The following ADGRV1 variants were observed in gnomAD, a reference collection of about 807,000 sequenced individuals.
ADGRV1 encodes G-protein coupled receptor 98.
Under a neutral mutation model 596.2 loss-of-function variants are expected in ADGRV1, and 359 were observed. The ratio of observed to expected loss-of-function variants is 0.60; its 90% confidence interval spans 0.55 to 0.66. ADGRV1 has a LOEUF of 0.66. Among genes scored for constraint, ADGRV1 ranks in the 30% least tolerant of loss-of-function variants. The pLI, the probability that ADGRV1 is intolerant of heterozygous loss-of-function variation, is 0.00. For synonymous variants in ADGRV1, 2,681 were observed against 2,679.2 expected (o/e 1.00, Z -0.02); for missense variants, 7,274 against 7,575.6 (o/e 0.96, Z 1.48).
chr5:90,744,111 C>T (rs1411489286), intron 50 of ADGRV1, among the ~76,000 whole-genome samples: 1 of 152,102 alleles, frequency 6.6e-6, no homozygotes, highest in Non-Finnish European at 1.5e-5. Flanking sequence ...ACCTCAGCTT[C>T]CCAGGCAGCT....
chr5:90,879,716 G>A (rs1769575005), intron 83 of ADGRV1, among the ~76,000 whole-genome samples: 1 of 152,126 alleles, frequency 6.6e-6, no homozygotes, highest in African/African-American at 2.4e-5. Flanking sequence ...GGAGGTCAAG[G>A]CAGGCAAATC....
At chr5:90,929,689 C>G (rs1775026093) in intron 83 of ADGRV1, 1 of 152,214 alleles carries the variant, frequency 6.6e-6, no homozygotes. Flanking sequence ...CTGACAACAT[C>G]TCAGATTAAA....
chr5:91,007,157 C>A (rs1165852896), intron 85 of ADGRV1, among the ~76,000 whole-genome samples: 1 of 152,126 alleles, frequency 6.6e-6, no homozygotes, highest in Non-Finnish European at 1.5e-5. Flanking sequence ...ACAAACTTAA[C>A]AAAAAATCTT....
At chr5:90,994,577 T>G (rs571192409) in intron 85 of ADGRV1, among the ~76,000 whole-genome samples, 7 of 152,326 alleles carry the variant, frequency 4.6e-5, no homozygotes, top group Admixed American at 6.5e-5. Context: ...TAGTTTCTAT[T>G]CATTATTTTC....
chr5:91,064,593 T>A (rs1787722219), intron 85 of ADGRV1, among the ~76,000 whole-genome samples: 1 of 152,192 alleles, frequency 6.6e-6, no homozygotes, highest in Non-Finnish European at 1.5e-5. Context: ...CCATTTCACT[T>A]TGTAGAGATT....
intron 85 of ADGRV1, among the ~76,000 whole-genome samples, chr5:91,006,102 A>G (rs1782252419): frequency 6.6e-6 from 1 of 152,172 alleles, no homozygotes. Context: ...CACAGGATAG[A>G]CATCGCCCAT....
intron 9 of ADGRV1, among the ~76,000 whole-genome samples, chr5:90,633,644 T>A (rs1419186692): frequency 6.6e-6 from 1 of 151,996 alleles, no homozygotes; most frequent in Non-Finnish European, 1.5e-5. Context: ...ATATATTCCT[T>A]TTCTCTAGAA....
intron 83 of ADGRV1, among the ~76,000 whole-genome samples, chr5:90,901,921 T>G (rs575799522): frequency 3.3e-4 from 50 of 152,182 alleles, no homozygotes; most frequent in African/African-American, 1.2e-3. Context: ...GGGTAGACTG[T>G]AGTGTGAATA....
Position 90,874,085 on chromosome 5 carries a change from A to G in ADGRV1, c.17856+10228A>G, listed in dbSNP as rs368106178. Among the ~76,000 whole-genome samples the G allele has an allele frequency of 7.2e-5, 11 of 152,272 alleles. No homozygotes were observed. In the East Asian group the frequency reaches 2.1e-3, roughly 29 times the overall value. On this transcript the variant is annotated intron_variant, in intron 83 of 89. Transcript: ENST00000405460. ...ACTTTTTGGTGTCTTCCTATTGCAC[A>G]TAACAGAGGGACTCTGACCTCCATC...
intron 83 of ADGRV1, among the ~76,000 whole-genome samples, chr5:90,962,311 G>C (rs902255425): frequency 2.0e-5 from 3 of 152,120 alleles, no homozygotes; most frequent in Non-Finnish European, 4.4e-5. Flanking sequence ...TAGATAGAGG[G>C]TACTTAAGCA....
chr5:90,973,636 T>C (rs961480306), intron 84 of ADGRV1, among the ~76,000 whole-genome samples: 1 of 152,168 alleles, frequency 6.6e-6, no homozygotes, highest in Non-Finnish European at 1.5e-5. Context: ...AAAAGGCCTT[T>C]GACAAAATTC....
chr5:90,829,531 T>C (rs1764353180), intron 77 of ADGRV1, among the ~76,000 whole-genome samples: 2 of 152,234 alleles, frequency 1.3e-5, no homozygotes, highest in African/African-American at 2.4e-5. Context: ...GATCTTGTTA[T>C]GTTTTGTTTC....
In ADGRV1 at chr5:90,788,106, A is replaced by G. The variant is rs778039007; in HGVS notation, c.13689A>G (p.Glu4563=). ...AGACAGTAGGACCCAACTCTCAAGA[A>G]GCCTTACTGCCACAGAATAGAGACA... ...NWETVGPNSQ[E]ALLPQNRDIA... is the part of the protein sequence containing the mutation. Residue 4563 remains glutamate (E), a synonymous_variant, in exon 68 of 90, where the codon GAA becomes GAG. Transcript: ENST00000405460. 8 of 1,612,988 alleles carry G rather than the reference A, an allele frequency of 5.0e-6. No individual in the cohort carries two copies. In the East Asian group the frequency reaches 1.3e-4, roughly 27 times the overall value.
intron 1 of ADGRV1, among the ~76,000 whole-genome samples, chr5:90,572,364 A>G (rs1183575803): frequency 6.6e-6 from 1 of 152,166 alleles, no homozygotes; most frequent in Non-Finnish European, 1.5e-5. Context: ...GATGTCAATA[A>G]TATAAAATAA....
chr5:90,781,838 T>C (rs1758890215), intron 65 of ADGRV1, among the ~76,000 whole-genome samples: 1 of 152,192 alleles, frequency 6.6e-6, no homozygotes, highest in Non-Finnish European at 1.5e-5. Flanking sequence ...TATTAAAATG[T>C]TTCTGTTTCA....
At chr5:90,593,734 G>A (rs1434448609) in intron 1 of ADGRV1, among the ~76,000 whole-genome samples, 1 of 150,838 alleles carries the variant, frequency 6.6e-6, no homozygotes. Flanking sequence ...GAAACCCATT[G>A]AAATAAAAAA....
rs1011352681 is a variant in ADGRV1, at chr5:90,778,970, G to T, written c.12955G>T (p.Ala4319Ser). The T allele has an allele frequency of 1.2e-5, 19 of 1,613,522 alleles. No homozygotes were observed. The highest frequency in any genetic ancestry group is 2.7e-5 in the African/African-American group (2 of 75,004). ...AGCAGGCTTGGATTTTGTTCCTGCA[G>T]CAGGGGAGCTCCTCTTTGAAGCAGG... is the stretch of plus-strand genomic sequence containing the variant. Reference protein sequence around the residue: ...AEAGLDFVPAAGELLFEAGEM... With the variant: ...AEAGLDFVPASGELLFEAGEM... The change falls in exon 64 of 90, where the codon GCA becomes TCA. Residue 4319 changes from alanine (A) to serine (S), a missense_variant. Physicochemically the swap from Ala to Ser is moderately conservative, Grantham distance 99. Coordinates refer to ENST00000405460, the MANE Select transcript of ADGRV1 (RefSeq NM_032119.4).
chr5:90,616,904 C>T (rs1387089037), intron 2 of ADGRV1, among the ~76,000 whole-genome samples: 1 of 152,222 alleles, frequency 6.6e-6, no homozygotes, highest in South Asian at 2.1e-4. Flanking sequence ...CTTCCCTTCT[C>T]AGCCTCTGGT....
rs1397339059 is a variant in ADGRV1 at position 90,569,417 on chromosome 5, T to C, written c.22+10500T>C. ...TTTTTTTTTTTTTTTTTTTTTTTTC[T>C]CATTCTTAGTTTCAACCTGTTTGTG... is the stretch of plus-strand genomic sequence containing the variant. On this transcript the variant is annotated intron_variant, in intron 1 of 89. Coordinates refer to ENST00000405460, the MANE Select transcript of ADGRV1 (RefSeq NM_032119.4). 6.3e-5 allele frequency among the ~76,000 whole-genome samples: 6 copies of C among 95,948 alleles called. No homozygotes were observed. In the East Asian group the frequency reaches 1.6e-3, roughly 25 times the overall value. 62.9% of individuals were successfully genotyped at this position (95,948 alleles called of 152,430 possible).
Sources: gnomAD v4.1 joint callset for allele counts (sites outside exome capture counted in the v4.1 genomes callset) on GRCh38, gnomAD v4.1.1 for gene constraint, MANE v1.5 for transcripts, NCBI Gene and HGNC (gene_info 2026-07-23, HGNC 2026-07-21) for gene names.